The following PRKG1 variants were observed in gnomAD, a reference collection of about 807,000 sequenced individuals.
PRKG1 encodes protein kinase cGMP-dependent 1.
PRKG1 carries 35 observed loss-of-function variants against 88.1 expected under a neutral mutation model. That is an observed-to-expected ratio of 0.40 (90% CI 0.30 to 0.53). PRKG1 has a LOEUF of 0.53. PRKG1 is among the 20% of genes least tolerant of loss of function. The probability of loss-of-function intolerance (pLI) is 0.59; values close to 1 mark genes in which losing one functional copy is unlikely to be tolerated. For synonymous variants in PRKG1, 303 were observed against 292.5 expected, an observed-to-expected ratio of 1.04 and a Z score of -0.37; for missense variants, 540 against 839.8, an observed-to-expected ratio of 0.64 and a Z score of 4.41.
At chr10:51,761,144 C>T (rs1838012162) in intron 3 of PRKG1, among the ~76,000 whole-genome samples, 1 of 152,126 alleles carries the variant, frequency 6.6e-6, no homozygotes. Context: ...CAACAGGAAC[C>T]CATTATTTCA....
intron 1 of PRKG1, among the ~76,000 whole-genome samples, chr10:51,016,312 A>G (rs1370973211): frequency 6.6e-6 from 1 of 152,178 alleles, no homozygotes; most frequent in South Asian, 2.1e-4. Flanking sequence ...TTTAAAGCTT[A>G]CGTTCTTTGT....
At chr10:51,625,267 C>T (rs1338845563) in intron 3 of PRKG1, among the ~76,000 whole-genome samples, 1 of 152,028 alleles carries the variant, frequency 6.6e-6, no homozygotes, top group Non-Finnish European at 1.5e-5. Flanking sequence ...ACCTGAGATC[C>T]GGAGTTCAAG....
chr10:51,997,361 C>T (rs1344212992), intron 5 of PRKG1, among the ~76,000 whole-genome samples: 1 of 151,362 alleles, frequency 6.6e-6, no homozygotes, highest in Admixed American at 6.6e-5. Flanking sequence ...GTCCCAGCTA[C>T]TCGGGAGGCT....
At chr10:51,923,009 T>G (rs575326379) in intron 5 of PRKG1, among the ~76,000 whole-genome samples, 251 of 152,180 alleles carry the variant, frequency 1.6e-3, no homozygotes, top group African/African-American at 5.7e-3. Context: ...TATCAAATTA[T>G]AATAATAGAT....
At position 51,665,917 on chromosome 10, in the gene PRKG1, ATG is replaced by A. The variant is rs368796918; in HGVS notation, c.593-138650_593-138649del. Among the ~76,000 whole-genome samples, 76 of 150,184 alleles carry A rather than the reference ATG, an allele frequency of 5.1e-4. 1 individual carries two copies. The Middle Eastern group carries it at 0.01, about 20-fold the overall frequency. ...GAGAGAGCTAGAGGTATTTATGAAT[ATG>A]TGTGTGTGTGTGTGTGTTTGTGTGT... is the stretch of plus-strand genomic sequence containing the variant. On this transcript the variant is annotated intron_variant, in intron 3 of 17. Coordinates refer to ENST00000373980, the MANE Select transcript of PRKG1 (RefSeq NM_006258.4).
At chr10:51,712,069 T>G (rs1400597052) in intron 3 of PRKG1, among the ~76,000 whole-genome samples, 1 of 152,068 alleles carries the variant, frequency 6.6e-6, no homozygotes, top group East Asian at 1.9e-4. Context: ...CATAAGGAAA[T>G]GAAGACCTGA....
intron 2 of PRKG1, among the ~76,000 whole-genome samples, chr10:51,305,827 T>C (rs1841021589): frequency 6.6e-6 from 1 of 152,212 alleles, no homozygotes; most frequent in African/African-American, 2.4e-5. Flanking sequence ...GCTAAGCACA[T>C]ATCTTGTGAA....
chr10:51,791,754 A>G (rs746715241), intron 3 of PRKG1, among the ~76,000 whole-genome samples: 8 of 152,096 alleles, frequency 5.3e-5, no homozygotes, highest in Non-Finnish European at 1.2e-4. Flanking sequence ...GAAAAATTCT[A>G]GTTGAAGTGA....
rs538717802 is a variant in PRKG1 at position 51,057,437 on chromosome 10, TAAATA to T, written c.266+65797_266+65801del. Among the ~76,000 whole-genome samples, 88 of 152,262 alleles carry T rather than the reference TAAATA, an allele frequency of 5.8e-4. 1 individual carries two copies. The Middle Eastern group carries it at 0.014, about 24-fold the overall frequency. ...CTTCTGTAATGCATTGTAACACACA[TAAATA>T]AAAGTACTTAATTCATAAGTCTTCA... On this transcript the variant is annotated intron_variant, in intron 1 of 17. Coordinates refer to the PRKG1 transcript ENST00000401604.
intron 5 of PRKG1, among the ~76,000 whole-genome samples, chr10:51,952,034 A>T (rs986845316): frequency 2.8e-4 from 42 of 152,198 alleles, no homozygotes; most frequent in African/African-American, 9.9e-4. Flanking sequence ...TTAGTTTCCA[A>T]CTACAAGAGG....
At position 51,858,360 on chromosome 10, in the gene PRKG1, T is replaced by A. The variant is rs1463379779; in HGVS notation, c.699-49147T>A. Among the ~76,000 whole-genome samples the A allele has an allele frequency of 4.8e-4, 13 of 27,368 alleles. 1 individual carries two copies. The highest frequency in any genetic ancestry group is 3.2e-3 in the South Asian group (2 of 618). The allele number at this position is 27,368 out of a possible 152,430, so 18.0% of individuals were successfully genotyped here. On this transcript the variant is annotated intron_variant, in intron 4 of 17. Coordinates refer to ENST00000373980, the MANE Select transcript of PRKG1 (RefSeq NM_006258.4). ...ATATATATTATATAAAATATATATATTATATATAATATATATAAAATATAT... is the reference window on the plus strand; with the variant it reads ...ATATATATTATATAAAATATATATAATATATATAATATATATAAAATATAT...
chr10:51,303,810 T>TACAC (rs764998402), intron 2 of PRKG1, among the ~76,000 whole-genome samples: 1 of 151,778 alleles, frequency 6.6e-6, no homozygotes, highest in African/African-American at 2.4e-5. Context: ...TCTATATATA[T>TACAC]ATACACACAC....
intron 3 of PRKG1, among the ~76,000 whole-genome samples, chr10:51,503,846 G>A (rs1204187255): frequency 6.6e-6 from 1 of 151,932 alleles, no homozygotes; most frequent in African/African-American, 2.4e-5. Flanking sequence ...CAGTGTTGAT[G>A]GTAAAATAGT....
intron 3 of PRKG1, among the ~76,000 whole-genome samples, chr10:51,797,285 T>C (rs1332409982): frequency 6.7e-6 from 1 of 149,684 alleles, no homozygotes; most frequent in Non-Finnish European, 1.5e-5. Flanking sequence ...TGATCACTTT[T>C]GTTTATTGTA....
chr10:51,073,667 T>A (rs1316428546), upstream of PRKG1, among the ~76,000 whole-genome samples: 1 of 152,050 alleles, frequency 6.6e-6, no homozygotes, highest in Non-Finnish European at 1.5e-5. Context: ...GAAAGGAAAG[T>A]AACTATCTGG....
intron 9 of PRKG1, among the ~76,000 whole-genome samples, chr10:52,169,437 C>T (rs1838594368): frequency 6.6e-6 from 1 of 152,060 alleles, no homozygotes; most frequent in South Asian, 2.1e-4. Context: ...TTTATAAGGG[C>T]ACTAAGTCCC....
rs549577560 is a variant in PRKG1, at chr10:51,164,890, G to C, written c.478+11560G>C. The stretch of plus-strand genomic sequence containing the variant: ...ACGAACAAAGCCTCCAAGAAATATG[G>C]GACTATGTGAAAAGACCAAATCTAC... On this transcript the variant is annotated intron_variant, in intron 2 of 17. Coordinates refer to ENST00000373980, the MANE Select transcript of PRKG1 (RefSeq NM_006258.4). Among the ~76,000 whole-genome samples, 8 of 152,194 alleles carry C rather than the reference G, an allele frequency of 5.3e-5. No individual in the cohort carries two copies. In the East Asian group the frequency reaches 1.5e-3, roughly 29 times the overall value.
chr10:51,500,571 T>C (rs1427693170), intron 3 of PRKG1, among the ~76,000 whole-genome samples: 1 of 152,206 alleles, frequency 6.6e-6, no homozygotes, highest in Non-Finnish European at 1.5e-5. Context: ...ACACACTGCA[T>C]GAACCTTATA....
intron 1 of PRKG1, among the ~76,000 whole-genome samples, chr10:51,115,576 A>G (rs1277865323): frequency 1.3e-5 from 2 of 151,408 alleles, no homozygotes; most frequent in Non-Finnish European, 2.9e-5. Context: ...GTGGTGGCTC[A>G]TGCCTGTAAT....
Sources: allele counts gnomAD v4.1 joint callset (sites outside exome capture counted in the v4.1 genomes callset), GRCh38; gene constraint gnomAD v4.1.1; transcripts MANE v1.5; gene names NCBI Gene and HGNC (gene_info 2026-07-23, HGNC 2026-07-21).